Variants in DNAH14 observed in about 807,000 individuals in gnomAD.
DNAH14 encodes the protein axonemal beta dynein heavy chain 14.
A neutral mutation model predicts 520.9 loss-of-function variants in DNAH14; 478 were observed. The ratio of observed to expected loss-of-function variants is 0.92; its 90% confidence interval spans 0.85 to 0.99. The LOEUF is 0.99. DNAH14 is among the 50% of genes least tolerant of loss of function. The pLI, the probability that DNAH14 is intolerant of heterozygous loss-of-function variation, is 0.00. For missense variants in DNAH14, 4,831 were observed against 5,234.5 expected, an observed-to-expected ratio of 0.92 and a Z score of 2.38; for synonymous variants, 1,581 against 1,757.2, an observed-to-expected ratio of 0.90 and a Z score of 2.51.
At chr1:225,241,846 G>A (rs2091983948) in intron 43 of DNAH14, among the ~76,000 whole-genome samples, 1 of 152,204 alleles carries the variant, frequency 6.6e-6, no homozygotes, top group South Asian at 2.1e-4. Context: ...GAGAGTGACT[G>A]TGAAGGCCTC....
chr1:225,361,362 TA>T (rs1390394842), intron 75 of DNAH14, among the ~76,000 whole-genome samples: 2 of 152,250 alleles, frequency 1.3e-5, no homozygotes, highest in Non-Finnish European at 2.9e-5. Flanking sequence ...CCAAAGCACT[TA>T]GTCACTCATG....
intron 4 of DNAH14, among the ~76,000 whole-genome samples, chr1:224,962,639 C>T (rs2060914840): frequency 1.3e-5 from 2 of 152,136 alleles, no homozygotes; most frequent in Admixed American, 6.6e-5. Context: ...TTCTGCCCTG[C>T]GAGAACCTGA....
At chr1:224,934,881 C>G (rs953789619) in intron 1 of DNAH14, among the ~76,000 whole-genome samples, 2 of 151,116 alleles carry the variant, frequency 1.3e-5, no homozygotes, top group African/African-American at 4.9e-5. Flanking sequence ...ATTCAAAATG[C>G]CAAAAGAAAA....
chr1:225,126,422 T>C (rs757427352), intron 27 of DNAH14, among the ~76,000 whole-genome samples: 6 of 152,234 alleles, frequency 3.9e-5, no homozygotes, highest in Non-Finnish European at 8.8e-5. Context: ...AACTTCTTCC[T>C]GGTTTAGTCT....
chr1:225,337,528 C>T, intron 67 of DNAH14, 32 bp downstream of exon 67: 1 of 1,499,854 alleles, frequency 6.7e-7, no homozygotes, highest in Non-Finnish European at 9.1e-7. Flanking sequence ...ATTTCCCTTG[C>T]AGCTGATACA....
chr1:225,045,251 A>T (rs1285133477), intron 15 of DNAH14, among the ~76,000 whole-genome samples: 1 of 150,022 alleles, frequency 6.7e-6, no homozygotes, highest in African/African-American at 2.4e-5. Context: ...TTTCTTTATT[A>T]TGAAATGTTT....
chr1:225,222,630 C>T (rs1390798033), intron 41 of DNAH14, among the ~76,000 whole-genome samples: 1 of 152,158 alleles, frequency 6.6e-6, no homozygotes, highest in Non-Finnish European at 1.5e-5. Flanking sequence ...CTCTAGCTAG[C>T]CACAGAGCAC....
At chr1:225,277,255 T>A (rs1218218173) in intron 53 of DNAH14, among the ~76,000 whole-genome samples, 155 bp from the exon 54 acceptor site, 2 of 152,110 alleles carry the variant, frequency 1.3e-5, no homozygotes, top group African/African-American at 2.4e-5. Flanking sequence ...ACAAATTTAC[T>A]TTCCCTAAAT....
In DNAH14 at chr1:225,198,097, G is replaced by A. The variant is rs190504153; in HGVS notation, c.5886+5186G>A. Among the ~76,000 whole-genome samples the A allele has an allele frequency of 3.8e-3, 584 of 152,198 alleles. 3 individuals are homozygous for A. Among genetic ancestry groups the A allele is most frequent in the African/African-American group, 0.013 (554 of 41,538 alleles). ...TGTTGAAGAGAAGTGGTAAGAGTGG[G>A]CATCCTTGTCTAGCTCCAGTTCTCA... On this transcript the variant is annotated intron_variant, in intron 38 of 85. Coordinates refer to ENST00000682510, the MANE Select transcript of DNAH14 (RefSeq NM_001367479.1).
At chr1:225,335,563 C>CA (rs1178320264) in intron 66 of DNAH14, among the ~76,000 whole-genome samples, 120 of 47,406 alleles carry the variant, frequency 2.5e-3, no homozygotes, top group South Asian at 4.9e-3. Context: ...ATATGTACAT[C>CA]TATGTATATA....
In DNAH14 at chr1:225,158,113, A is replaced by G. The variant is rs114033714; in HGVS notation, c.5274-1201A>G. 7.1e-3 allele frequency among the ~76,000 whole-genome samples: 1,087 copies of G among 152,308 alleles called. 9 individuals are homozygous for G. Among genetic ancestry groups the G allele is most frequent in the African/African-American group, 0.024 (1,017 of 41,562 alleles). On this transcript the variant is annotated intron_variant, in intron 34 of 85. Transcript: ENST00000682510. ...GCAGGAAACAGTTTTCTTCCTTTCT[A>G]TCTCTAATATGGTATCATAGCATGT... is the stretch of plus-strand genomic sequence containing the variant.
At chr1:225,248,261 G>C (rs1477943330) in intron 43 of DNAH14, among the ~76,000 whole-genome samples, 1 of 152,134 alleles carries the variant, frequency 6.6e-6, no homozygotes, top group Non-Finnish European at 1.5e-5. Context: ...AATATACACA[G>C]TGGGATGGTG....
chr1:225,263,377 C>T (rs78912602), intron 46 of DNAH14, among the ~76,000 whole-genome samples: 7,445 of 151,592 alleles, frequency 0.049, 286 homozygotes, highest in Non-Finnish European at 0.073. Flanking sequence ...ATAAACGGGA[C>T]GCAGTTATTC....
chr1:224,940,840 A>T (rs994724985), intron 1 of DNAH14, among the ~76,000 whole-genome samples: 2 of 152,172 alleles, frequency 1.3e-5, no homozygotes, highest in Non-Finnish European at 2.9e-5. Flanking sequence ...CCTACAAAGG[A>T]CATGAACTCA....
intron 41 of DNAH14, among the ~76,000 whole-genome samples, chr1:225,219,916 C>G (rs2089871009): frequency 6.6e-6 from 1 of 152,172 alleles, no homozygotes; most frequent in African/African-American, 2.4e-5. Context: ...CAATAAAATA[C>G]TGGCAAACTG....
chr1:225,001,036 A>G (rs1366150724), intron 8 of DNAH14, among the ~76,000 whole-genome samples: 2 of 151,884 alleles, frequency 1.3e-5, no homozygotes, highest in African/African-American at 2.4e-5. Context: ...CTGGAATAGA[A>G]TAGTTATCGA....
chr1:225,168,829 T>C (rs917751502), intron 36 of DNAH14, among the ~76,000 whole-genome samples: 6 of 152,138 alleles, frequency 3.9e-5, no homozygotes, highest in Admixed American at 3.3e-4. Context: ...CAACTTGAGA[T>C]CTGAGAACAG....
chr1:225,384,617 A>T (rs1197205914), intron 81 of DNAH14, among the ~76,000 whole-genome samples: 1 of 152,208 alleles, frequency 6.6e-6, no homozygotes, highest in Admixed American at 6.5e-5. Context: ...CAAATAAACT[A>T]AAAAATCTAG....
At chr1:225,281,611 C>T (rs1055012872) in intron 54 of DNAH14, among the ~76,000 whole-genome samples, 1 of 152,056 alleles carries the variant, frequency 6.6e-6, no homozygotes, top group Non-Finnish European at 1.5e-5. Context: ...TTCTTCTTTA[C>T]TCTTAACTAC....
Sources: gnomAD v4.1 joint callset for allele counts (sites outside exome capture counted in the v4.1 genomes callset) on GRCh38, gnomAD v4.1.1 for gene constraint, MANE v1.5 for transcripts, NCBI Gene and HGNC (gene_info 2026-07-23, HGNC 2026-07-21) for gene names.